GAS7: variants seen among roughly 807,000 people sequenced by gnomAD.
GAS7 encodes growth arrest specific 7.
A neutral mutation model predicts 71.1 loss-of-function variants in GAS7; 28 were observed. The observed-to-expected ratio is 0.39, with a 90% CI of 0.29 to 0.54. The LOEUF (loss-of-function observed/expected upper bound fraction) is 0.54, where lower values mean the gene tolerates loss of function less well. GAS7 is among the 20% of genes least tolerant of loss of function. The probability of loss-of-function intolerance (pLI) is 0.62; values close to 1 mark genes in which losing one functional copy is unlikely to be tolerated. For synonymous variants in GAS7, 258 were observed against 245.8 expected, an observed-to-expected ratio of 1.05 and a Z score of -0.46; for missense variants, 436 against 627.8, an observed-to-expected ratio of 0.69 and a Z score of 3.27.
intron 1 of GAS7, among the ~76,000 whole-genome samples, chr17:10,087,984 G>A (rs2073537665): frequency 6.6e-6 from 1 of 151,998 alleles, no homozygotes; most frequent in Non-Finnish European, 1.5e-5. Context: ...GTAAATAAAA[G>A]GGAAGAAGGG....
chr17:10,140,043 CTTCTT>C (rs1362883219), intron 1 of GAS7, among the ~76,000 whole-genome samples: 1 of 152,216 alleles, frequency 6.6e-6, no homozygotes, highest in African/African-American at 2.4e-5. Context: ...ATGATCTTCT[CTTCTT>C]AACTTCACCT....
chr17:10,177,425 T>A (rs1280779920), intron 1 of GAS7, among the ~76,000 whole-genome samples: 1 of 151,752 alleles, frequency 6.6e-6, no homozygotes, highest in Admixed American at 6.6e-5. Flanking sequence ...CTTCAAGCAA[T>A]GGGGAGCCAG....
intron 1 of GAS7, among the ~76,000 whole-genome samples, chr17:10,041,635 T>C (rs935201679): frequency 6.6e-6 from 1 of 152,248 alleles, no homozygotes; most frequent in African/African-American, 2.4e-5. Context: ...AAGGGTTTAC[T>C]GTTTGGGTTC....
intron 1 of GAS7, among the ~76,000 whole-genome samples, chr17:10,173,374 G>A (rs1171803018): frequency 6.6e-6 from 1 of 152,108 alleles, no homozygotes; most frequent in Non-Finnish European, 1.5e-5. Context: ...GGGAGGCGGG[G>A]AAGAGGGAGA....
chr17:9,958,357 C>T (rs1336047863), intron 5 of GAS7, among the ~76,000 whole-genome samples: 1 of 152,154 alleles, frequency 6.6e-6, no homozygotes, highest in Non-Finnish European at 1.5e-5. Context: ...AATTGTTTAC[C>T]TACACTTTTT....
Position 9,915,608 on chromosome 17 carries a change from T to G in GAS7, c.*1620A>C. On this transcript the variant is annotated 3_prime_UTR_variant, in exon 14 of 14. Coordinates refer to ENST00000432992, the MANE Select transcript of GAS7 (RefSeq NM_201433.2). ...TGAACTATACGAAAGCAATTCTCAT[T>G]CAATGAAAGAGGCGCCAAAAAATTA... 4.4e-6 allele frequency: 1 copy of G among 227,456 alleles called. No homozygotes were observed. 14.1% of individuals were successfully genotyped at this position (227,456 alleles called of 1,614,324 possible).
intron 1 of GAS7, among the ~76,000 whole-genome samples, chr17:10,083,059 A>G (rs2073475683): frequency 6.6e-6 from 1 of 152,228 alleles, no homozygotes; most frequent in Non-Finnish European, 1.5e-5. Flanking sequence ...ACACTGACTA[A>G]TTCAAGTAGT....
At chr17:9,990,993 G>A (rs1196493248) in intron 2 of GAS7, among the ~76,000 whole-genome samples, 1 of 152,196 alleles carries the variant, frequency 6.6e-6, no homozygotes, top group Non-Finnish European at 1.5e-5. Flanking sequence ...GTACGGGATA[G>A]CAGTATAGGG....
At chr17:9,988,338 C>T (rs9907826) in intron 2 of GAS7, among the ~76,000 whole-genome samples, 514 of 152,322 alleles carry the variant, frequency 3.4e-3, no homozygotes, top group African/African-American at 0.012. Flanking sequence ...CTGGCTTGCC[C>T]CCAGGCTATG....
intron 1 of GAS7, among the ~76,000 whole-genome samples, chr17:10,102,205 TAAAAAAAAAAAA>T (rs34961542): frequency 4.3e-5 from 3 of 70,276 alleles, no homozygotes; most frequent in African/African-American, 1.8e-4. Context: ...AGAGTGCCCG[TAAAAAAAAAAAA>T]AAAAAAAAAA....
chr17:10,043,314 T>A (rs1046748025), intron 1 of GAS7, among the ~76,000 whole-genome samples: 4 of 152,062 alleles, frequency 2.6e-5, no homozygotes, highest in Non-Finnish European at 4.4e-5. Flanking sequence ...AGGGGCTACA[T>A]GGGGAATGAA....
intron 2 of GAS7, among the ~76,000 whole-genome samples, chr17:10,018,227 A>AT (rs1241908140): frequency 2.6e-5 from 4 of 152,210 alleles, no homozygotes; most frequent in East Asian, 1.9e-4. Flanking sequence ...TACTTACTGA[A>AT]TTTTTTACCG....
At chr17:9,934,083 G>T in intron 9 of GAS7, 83 bp downstream of exon 9, 1 of 942,540 alleles carries the variant, frequency 1.1e-6, no homozygotes, top group Non-Finnish European at 1.8e-6. Flanking sequence ...ATGGCAAACG[G>T]CAAACTGGAG....
intron 1 of GAS7, among the ~76,000 whole-genome samples, chr17:10,131,547 G>A (rs546509110): frequency 1.3e-5 from 2 of 152,304 alleles, no homozygotes; most frequent in East Asian, 1.9e-4. Context: ...GCTTGAACCC[G>A]GGAGGCGGAG....
chr17:10,012,859 T>C (rs1038057831), intron 2 of GAS7, among the ~76,000 whole-genome samples: 4 of 151,878 alleles, frequency 2.6e-5, no homozygotes, highest in African/African-American at 7.3e-5. Context: ...TCCCAGCACC[T>C]TGGGAGGCCG....
chr17:9,952,553 G>A (rs548107361), intron 5 of GAS7, among the ~76,000 whole-genome samples: 6 of 152,212 alleles, frequency 3.9e-5, no homozygotes, highest in South Asian at 4.1e-4. Flanking sequence ...CACCATGCCC[G>A]GCTAATTTTT....
At chr17:10,143,887 G>A (rs963784675) in intron 1 of GAS7, among the ~76,000 whole-genome samples, 1 of 152,212 alleles carries the variant, frequency 6.6e-6, no homozygotes, top group South Asian at 2.1e-4. Context: ...CAAGGAGGGT[G>A]TCACAGTTAG....
At chr17:9,992,240 A>G (rs1024769232) in intron 2 of GAS7, among the ~76,000 whole-genome samples, 1 of 152,144 alleles carries the variant, frequency 6.6e-6, no homozygotes, top group Non-Finnish European at 1.5e-5. Flanking sequence ...AGCAATGTAG[A>G]GTAATTTAAG....
chr17:10,104,579 G>C (rs2073739410), intron 1 of GAS7, among the ~76,000 whole-genome samples: 1 of 152,130 alleles, frequency 6.6e-6, no homozygotes, highest in Admixed American at 6.5e-5. Flanking sequence ...TGATGCTCAG[G>C]AGGAATCTAA....
Sources: gnomAD v4.1 joint callset for allele counts (sites outside exome capture counted in the v4.1 genomes callset) on GRCh38, gnomAD v4.1.1 for gene constraint, MANE v1.5 for transcripts, NCBI Gene and HGNC (gene_info 2026-07-23, HGNC 2026-07-21) for gene names.